Variants in RBFOX1 observed in about 807,000 individuals in gnomAD.
RBFOX1 encodes RNA binding protein fox-1 homolog 1.
In RBFOX1, 8 loss-of-function variants were observed where a neutral mutation model predicts 57.7. That is an observed-to-expected ratio of 0.14 (90% confidence interval 0.08 to 0.25). The LOEUF (loss-of-function observed/expected upper bound fraction) is 0.25, where lower values mean the gene tolerates loss of function less well. Among genes scored for constraint, RBFOX1 ranks in the 10% least tolerant of loss-of-function variants. The pLI is 1.00. For synonymous variants in RBFOX1, 326 were observed against 222.4 expected, an observed-to-expected ratio of 1.47 and a Z score of -4.15; for missense variants, 611 against 548.5, an observed-to-expected ratio of 1.11 and a Z score of -1.14.
chr16:5,400,399 T>A (rs2066682245), intron 1 of RBFOX1, among the ~76,000 whole-genome samples: 1 of 152,154 alleles, frequency 6.6e-6, no homozygotes, highest in Admixed American at 6.5e-5. Context: ...GGCCACTGCT[T>A]GCTTCTCTCT....
At chr16:7,460,524 C>G (rs1218447741) in intron 4 of RBFOX1, among the ~76,000 whole-genome samples, 1 of 144,786 alleles carries the variant, frequency 6.9e-6, no homozygotes, top group Non-Finnish European at 1.5e-5. Context: ...ATCTAATATA[C>G]ATATATATTA....
chr16:6,548,219 T>G lies in RBFOX1; in HGVS notation c.-63-106384T>G, dbSNP rs575883890. Among the ~76,000 whole-genome samples the G allele has an allele frequency of 2.4e-4, 36 of 152,312 alleles. No individual in the cohort carries two copies. The South Asian group carries it at 7.2e-3, about 31-fold the overall frequency. On this transcript the variant is annotated intron_variant, in intron 2 of 15. Coordinates refer to ENST00000550418, the MANE Select transcript of RBFOX1 (RefSeq NM_018723.4). ...ATCCTTTATTTATAATCTCCATCAG[T>G]CTTGTAAACTTTTGTTTTGTTTTGC...
At chr16:6,091,814 C>T (rs1346968610) in intron 1 of RBFOX1, among the ~76,000 whole-genome samples, 1 of 152,140 alleles carries the variant, frequency 6.6e-6, no homozygotes, top group Non-Finnish European at 1.5e-5. Context: ...CTGTATGACA[C>T]AGTGAGACTC....
chr16:7,566,661 C>G (rs906326901), intron 5 of RBFOX1, among the ~76,000 whole-genome samples: 1 of 152,110 alleles, frequency 6.6e-6, no homozygotes, highest in South Asian at 2.1e-4. Context: ...GTTTTCTTTT[C>G]CATCCTGTAT....
intron 3 of RBFOX1, among the ~76,000 whole-genome samples, chr16:6,961,400 C>G (rs1341675912): frequency 6.6e-6 from 1 of 152,090 alleles, no homozygotes; most frequent in African/African-American, 2.4e-5. Context: ...TAGCAAATAG[C>G]CATGAACTTG....
intron 4 of RBFOX1, among the ~76,000 whole-genome samples, chr16:7,459,209 C>T (rs914034028): frequency 7.9e-5 from 12 of 151,962 alleles, no homozygotes; most frequent in Non-Finnish European, 1.8e-4. Context: ...AGAATTTGGC[C>T]TTGGGTTTTA....
chr16:6,178,818 C>T (rs1457955778), intron 1 of RBFOX1, among the ~76,000 whole-genome samples: 1 of 152,116 alleles, frequency 6.6e-6, no homozygotes, highest in Admixed American at 6.5e-5. Context: ...TAGCAAGGGC[C>T]TGTTTTTCAC....
At chr16:6,475,232 C>T (rs1456000189) in intron 2 of RBFOX1, among the ~76,000 whole-genome samples, 1 of 152,176 alleles carries the variant, frequency 6.6e-6, no homozygotes, top group Admixed American at 6.5e-5. Context: ...AATTATAAAA[C>T]ACATTGAAAA....
intron 1 of RBFOX1, among the ~76,000 whole-genome samples, chr16:5,453,136 C>G (rs962352220): frequency 2.6e-5 from 4 of 152,132 alleles, no homozygotes; most frequent in African/African-American, 7.2e-5. Context: ...CTACCTTCCT[C>G]CTTTTTCTCA....
chr16:7,087,239 G>T (rs1433351292), intron 4 of RBFOX1, among the ~76,000 whole-genome samples: 2 of 152,148 alleles, frequency 1.3e-5, no homozygotes, highest in Non-Finnish European at 2.9e-5. Flanking sequence ...CTCAGATGCT[G>T]GCCTCCCAGA....
chr16:7,114,570 T>C (rs2065475303), intron 4 of RBFOX1, among the ~76,000 whole-genome samples: 1 of 152,162 alleles, frequency 6.6e-6, no homozygotes, highest in African/African-American at 2.4e-5. Context: ...TTGAATACCA[T>C]CTATTTATCT....
At chr16:6,156,694 C>T (rs528322606) in intron 1 of RBFOX1, among the ~76,000 whole-genome samples, 3 of 152,138 alleles carry the variant, frequency 2.0e-5, no homozygotes, top group Non-Finnish European at 4.4e-5. Flanking sequence ...TGCCACTGAC[C>T]TGAGTTGTTT....
chr16:6,974,684 C>A (rs560378366), intron 3 of RBFOX1, among the ~76,000 whole-genome samples: 11 of 152,150 alleles, frequency 7.2e-5, no homozygotes, highest in Middle Eastern at 3.4e-3. Context: ...GGAAGACCAT[C>A]AGGAGGGTAG....
chr16:6,349,337 A>G (rs961097726), intron 2 of RBFOX1, among the ~76,000 whole-genome samples: 3 of 152,214 alleles, frequency 2.0e-5, no homozygotes, highest in Non-Finnish European at 4.4e-5. Context: ...GTTTTGTCAG[A>G]TAAAAGATGT....
chr16:7,488,515 A>C (rs1286739348), intron 4 of RBFOX1, among the ~76,000 whole-genome samples: 1 of 152,106 alleles, frequency 6.6e-6, no homozygotes, highest in African/African-American at 2.4e-5. Flanking sequence ...TCCATTGTCT[A>C]CCTATCTACT....
intron 4 of RBFOX1, among the ~76,000 whole-genome samples, chr16:7,154,244 C>A (rs773814804): frequency 6.6e-6 from 1 of 152,046 alleles, no homozygotes; most frequent in Non-Finnish European, 1.5e-5. Context: ...TTCATTCAGT[C>A]GGAGGAAGAC....
intron 2 of RBFOX1, among the ~76,000 whole-genome samples, chr16:6,568,367 T>G (rs889855532): frequency 1.3e-5 from 2 of 152,160 alleles, no homozygotes; most frequent in East Asian, 3.9e-4. Context: ...CTTTACAGGC[T>G]GCTGGAGTGT....
intron 2 of RBFOX1, among the ~76,000 whole-genome samples, chr16:5,526,803 T>C (rs2044267574): frequency 6.6e-6 from 1 of 152,190 alleles, no homozygotes; most frequent in Non-Finnish European, 1.5e-5. Flanking sequence ...ATAACGTGTT[T>C]GTAGGCAGGA....
chr16:6,907,339 AAC>A (rs1315810329), intron 3 of RBFOX1, among the ~76,000 whole-genome samples: 1 of 152,168 alleles, frequency 6.6e-6, no homozygotes, highest in Non-Finnish European at 1.5e-5. Context: ...CACTCAGAGA[AAC>A]AGTGTATCGA....
Sources: allele counts gnomAD v4.1 joint callset (sites outside exome capture counted in the v4.1 genomes callset), GRCh38; gene constraint gnomAD v4.1.1; transcripts MANE v1.5; gene names NCBI Gene and HGNC (gene_info 2026-07-23, HGNC 2026-07-21).